Variants in ST8SIA2 observed in about 807,000 individuals in gnomAD.
ST8SIA2 encodes the protein alpha-2,8-sialyltransferase 8B.
ST8SIA2 carries 22 observed loss-of-function variants against 37.6 expected under a neutral mutation model. The observed-to-expected ratio is 0.58, with a 90% CI of 0.42 to 0.83. ST8SIA2 has a LOEUF of 0.83. Ranked by LOEUF, ST8SIA2 falls within the 40% of genes least tolerant of loss-of-function variation. ST8SIA2 has a pLI of 0.00. For synonymous variants in ST8SIA2, 205 were observed against 201.2 expected (o/e 1.02, Z -0.16); for missense variants, 382 against 484.7 (o/e 0.79, Z 1.99).
chr15:92,460,821 G>A (rs1452938438), intron 5 of ST8SIA2, among the ~76,000 whole-genome samples: 1 of 152,220 alleles, frequency 6.6e-6, no homozygotes, highest in Non-Finnish European at 1.5e-5. Context: ...GGGTCAGAAG[G>A]CCTGAAAGGA....
At chr15:92,451,647 T>C (rs1161034251) in intron 5 of ST8SIA2, among the ~76,000 whole-genome samples, 1 of 152,276 alleles carries the variant, frequency 6.6e-6, no homozygotes. Flanking sequence ...TCTCGATGGC[T>C]TGCCACAGGA....
rs4777970 is a variant in ST8SIA2 at position 92,402,093 on chromosome 15, G to A, written c.98+7931G>A. On this transcript the variant is annotated intron_variant, in intron 1 of 5. Transcript: ENST00000268164. ...GCTATGAAATTCTCCCTTGGCTGAA[G>A]AGGGTGGTAACCTCATGAGTCCCCA... Among the ~76,000 whole-genome samples the A allele has an allele frequency of 1.9e-3, 282 of 152,274 alleles. 1 individual carries two copies. In the Middle Eastern group the frequency reaches 0.034, roughly 18 times the overall value.
chr15:92,416,337 T>G (rs1387920949), intron 1 of ST8SIA2, among the ~76,000 whole-genome samples: 7 of 139,498 alleles, frequency 5.0e-5, no homozygotes, highest in Non-Finnish European at 7.8e-5. Context: ...GAGAGACAGG[T>G]GGAAGGGGTG....
At chr15:92,405,352 TATAA>T (rs2049500270) in intron 1 of ST8SIA2, among the ~76,000 whole-genome samples, 1 of 152,256 alleles carries the variant, frequency 6.6e-6, no homozygotes, top group African/African-American at 2.4e-5. Context: ...GTTTAATGGG[TATAA>T]AGTTTCAGTT....
At chr15:92,400,528 G>T (rs1365881447) in intron 1 of ST8SIA2, among the ~76,000 whole-genome samples, 1 of 152,176 alleles carries the variant, frequency 6.6e-6, no homozygotes, top group Non-Finnish European at 1.5e-5. Context: ...CCAGTGAAGA[G>T]CACAGTCTGG....
intron 5 of ST8SIA2, among the ~76,000 whole-genome samples, chr15:92,463,141 C>G (rs555833295): frequency 6.6e-6 from 1 of 152,218 alleles, no homozygotes; most frequent in African/African-American, 2.4e-5. Context: ...TTACTTCCCC[C>G]CTCTGAGCAT....
At chr15:92,443,712 C>T (rs991737879) in intron 4 of ST8SIA2, among the ~76,000 whole-genome samples, 20 of 152,156 alleles carry the variant, frequency 1.3e-4, no homozygotes, top group African/African-American at 4.6e-4. Flanking sequence ...TTGCCTTTCC[C>T]TAAACACCCA....
chr15:92,449,412 T>G (rs4777713), intron 5 of ST8SIA2, among the ~76,000 whole-genome samples: 97,365 of 152,142 alleles, frequency 0.64, 33,235 homozygotes, highest in African/African-American at 0.89. Context: ...ATCCACCACT[T>G]CTGGGCACCT....
At chr15:92,457,928 G>T (rs1333283362) in intron 5 of ST8SIA2, among the ~76,000 whole-genome samples, 1 of 152,204 alleles carries the variant, frequency 6.6e-6, no homozygotes, top group African/African-American at 2.4e-5. Context: ...CCTGGCCCCA[G>T]ATCTGAGAGG....
intron 1 of ST8SIA2, among the ~76,000 whole-genome samples, chr15:92,394,890 T>C (rs1241291769): frequency 2.0e-5 from 3 of 152,256 alleles, no homozygotes; most frequent in African/African-American, 7.2e-5. Flanking sequence ...GGAAAGTCTG[T>C]ACCGCCGCCC....
At chr15:92,437,556 G>T (rs2049767605) in intron 3 of ST8SIA2, among the ~76,000 whole-genome samples, 1 of 152,068 alleles carries the variant, frequency 6.6e-6, no homozygotes, top group Non-Finnish European at 1.5e-5. Context: ...AGGGGTCCAT[G>T]TTTACAATCC....
In ST8SIA2 at chr15:92,465,732, C is replaced by A. The variant is rs1398237503; in HGVS notation, c.*1347C>A. On this transcript the variant is annotated 3_prime_UTR_variant, in exon 6 of 6. Transcript: ENST00000268164. ...AGCAATTTTAGAATTTTGCAAAATTCTTTTCCCCTTATTGAGATTAATATT... is the reference window on the plus strand; with the variant it reads ...AGCAATTTTAGAATTTTGCAAAATTATTTTCCCCTTATTGAGATTAATATT... 4 of 152,000 alleles carry A rather than the reference C, an allele frequency of 2.6e-5. No individual in the cohort carries two copies. Among genetic ancestry groups the A allele is most frequent in the Non-Finnish European group, 4.4e-5 (3 of 68,006 alleles). 9.4% of individuals were successfully genotyped at this position (152,000 alleles called of 1,614,324 possible).
intron 2 of ST8SIA2, among the ~76,000 whole-genome samples, chr15:92,432,999 A>G (rs1462165576): frequency 1.3e-5 from 2 of 152,054 alleles, no homozygotes; most frequent in East Asian, 3.9e-4. Flanking sequence ...GTGTGGTGGC[A>G]TTCGCCTGTA....
At chr15:92,417,854 A>T (rs2049599438) in intron 1 of ST8SIA2, among the ~76,000 whole-genome samples, 1 of 152,180 alleles carries the variant, frequency 6.6e-6, no homozygotes. Context: ...CCTTATCCTT[A>T]TAGTGTAATG....
chr15:92,439,879 T>C (rs2049788474), intron 4 of ST8SIA2, among the ~76,000 whole-genome samples: 1 of 150,156 alleles, frequency 6.7e-6, no homozygotes, highest in Non-Finnish European at 1.5e-5. Context: ...TAAAGGTGAG[T>C]GTGTGGGGGC....
At chr15:92,430,139 T>A in intron 2 of ST8SIA2, 28 bp downstream of exon 2, 1 of 1,609,432 alleles carries the variant, frequency 6.2e-7, no homozygotes, top group Non-Finnish European at 8.5e-7. Context: ...TGTGTTCATT[T>A]GTTTTTGCTG....
intron 5 of ST8SIA2, among the ~76,000 whole-genome samples, chr15:92,455,427 A>G (rs969229036): frequency 2.0e-5 from 3 of 152,212 alleles, no homozygotes; most frequent in Admixed American, 6.5e-5. Flanking sequence ...TAAAGGATTT[A>G]AAGTAAAAAG....
At chr15:92,417,631 GT>G (rs1327283636) in intron 1 of ST8SIA2, 1 of 152,192 alleles carries the variant, frequency 6.6e-6, no homozygotes, top group African/African-American at 2.4e-5. Context: ...GAAATGAGGA[GT>G]TTTCAGGGCT....
intron 1 of ST8SIA2, among the ~76,000 whole-genome samples, chr15:92,420,510 T>C (rs1452546165): frequency 1.3e-5 from 2 of 152,138 alleles, no homozygotes; most frequent in African/African-American, 4.8e-5. Context: ...TTTTCTGAAG[T>C]TGAGCAAAGG....
Sources: allele counts gnomAD v4.1 joint callset (sites outside exome capture counted in the v4.1 genomes callset), GRCh38; gene constraint gnomAD v4.1.1; transcripts MANE v1.5; gene names NCBI Gene and HGNC (gene_info 2026-07-23, HGNC 2026-07-21).